ARHGEF3: variants seen among roughly 807,000 people sequenced by gnomAD.
The protein encoded by ARHGEF3 is Rho guanine nucleotide exchange factor 3.
Under a neutral mutation model 63.2 loss-of-function variants are expected in ARHGEF3, and 28 were observed. That is an observed-to-expected ratio of 0.44 (90% CI 0.33 to 0.61). The LOEUF (loss-of-function observed/expected upper bound fraction) is 0.61, where lower values mean the gene tolerates loss of function less well. Among genes scored for constraint, ARHGEF3 ranks in the 20% least tolerant of loss-of-function variants. The probability of loss-of-function intolerance (pLI) is 0.03; values close to 1 mark genes in which losing one functional copy is unlikely to be tolerated. For missense variants in ARHGEF3, 533 were observed against 659.3 expected, an observed-to-expected ratio of 0.81 and a Z score of 2.10; for synonymous variants, 266 against 254.2, an observed-to-expected ratio of 1.05 and a Z score of -0.44.
intron 1 of ARHGEF3, chr3:57,079,132 C>A: frequency 2.7e-6 from 1 of 368,226 alleles, no homozygotes; most frequent in South Asian, 1.3e-4. Context: ...CGGTCTCACT[C>A]CGGGAGACCT....
At chr3:57,031,634 A>C (rs943230515) in intron 2 of ARHGEF3, among the ~76,000 whole-genome samples, 5 of 152,216 alleles carry the variant, frequency 3.3e-5, no homozygotes, top group African/African-American at 1.2e-4. Flanking sequence ...TTGTGCATAC[A>C]ATAGTATTCA....
At chr3:56,945,874 C>T (rs1436136371) in intron 3 of ARHGEF3, among the ~76,000 whole-genome samples, 1 of 152,140 alleles carries the variant, frequency 6.6e-6, no homozygotes, top group Admixed American at 6.5e-5. Context: ...TGGGAGGCAC[C>T]CCCCAGTACG....
At chr3:56,811,400 G>A (rs1180915576) in intron 4 of ARHGEF3, among the ~76,000 whole-genome samples, 1 of 152,146 alleles carries the variant, frequency 6.6e-6, no homozygotes, top group Admixed American at 6.5e-5. Flanking sequence ...GTGGGGGCAT[G>A]GGCAGAAGAC....
At chr3:56,827,219 C>T (rs1373919223) in intron 4 of ARHGEF3, among the ~76,000 whole-genome samples, 1 of 152,172 alleles carries the variant, frequency 6.6e-6, no homozygotes, top group African/African-American at 2.4e-5. Context: ...AGTTACAACT[C>T]GTATCCATTT....
intron 2 of ARHGEF3, among the ~76,000 whole-genome samples, chr3:56,756,303 T>C (rs542980375): frequency 5.9e-5 from 9 of 152,310 alleles, no homozygotes; most frequent in African/African-American, 2.4e-5. Flanking sequence ...TTCCCTGCCA[T>C]GGCTCTCTGT....
intron 2 of ARHGEF3, among the ~76,000 whole-genome samples, chr3:56,998,226 ACT>A (rs1416125305): frequency 6.6e-6 from 1 of 151,986 alleles, no homozygotes; most frequent in Non-Finnish European, 1.5e-5. Context: ...AATGGTCCAA[ACT>A]CTCTCTGCAC....
chr3:56,885,328 T>C (rs150123657), intron 3 of ARHGEF3, among the ~76,000 whole-genome samples: 73 of 152,246 alleles, frequency 4.8e-4, no homozygotes, highest in Non-Finnish European at 8.4e-4. Context: ...GTTAGGGTGT[T>C]GTGAGGATCA....
chr3:56,942,339 A>G (rs1446375258), intron 3 of ARHGEF3, among the ~76,000 whole-genome samples: 1 of 152,222 alleles, frequency 6.6e-6, no homozygotes, highest in African/African-American at 2.4e-5. Flanking sequence ...TCAAAATTCA[A>G]TAGTTCAAAC....
At chr3:56,841,226 T>C (rs999449964) in intron 4 of ARHGEF3, among the ~76,000 whole-genome samples, 8 of 152,198 alleles carry the variant, frequency 5.3e-5, no homozygotes, top group Non-Finnish European at 7.3e-5. Flanking sequence ...GGCTGGGATC[T>C]TTCCCTAAAG....
intron 2 of ARHGEF3, among the ~76,000 whole-genome samples, chr3:56,771,547 G>A (rs1465056089): frequency 2.0e-5 from 3 of 152,218 alleles, no homozygotes; most frequent in African/African-American, 7.2e-5. Context: ...ATTGGGAGAG[G>A]TGGGGACATT....
intron 2 of ARHGEF3, among the ~76,000 whole-genome samples, chr3:56,766,529 C>T (rs781588085): frequency 2.0e-5 from 3 of 152,166 alleles, no homozygotes; most frequent in East Asian, 1.9e-4. Flanking sequence ...CTAGTCATAA[C>T]GGTGATAATA....
At chr3:56,952,649 T>C (rs188744944) in intron 3 of ARHGEF3, among the ~76,000 whole-genome samples, 1 of 152,306 alleles carries the variant, frequency 6.6e-6, no homozygotes. Context: ...ATGCGTAAAA[T>C]GCTCAACACA....
At chr3:56,762,861 AG>A (rs1402098018) in intron 2 of ARHGEF3, among the ~76,000 whole-genome samples, 1 of 152,184 alleles carries the variant, frequency 6.6e-6, no homozygotes, top group Non-Finnish European at 1.5e-5. Context: ...AGCATCCTGG[AG>A]GAGTCTCCTA....
intron 9 of ARHGEF3, among the ~76,000 whole-genome samples, chr3:56,730,630 C>T (rs887817823): frequency 6.6e-6 from 1 of 152,146 alleles, no homozygotes; most frequent in African/African-American, 2.4e-5. Context: ...ATCCACCCAC[C>T]TCAGCCTCCC....
At chr3:56,858,547 G>C (rs1006484579) in intron 4 of ARHGEF3, among the ~76,000 whole-genome samples, 7 of 152,156 alleles carry the variant, frequency 4.6e-5, no homozygotes, top group Admixed American at 3.3e-4. Flanking sequence ...CTTCTGGTGA[G>C]GGGAGGAAGA....
At chr3:57,007,483 C>T (rs1366770466) in intron 2 of ARHGEF3, 1 of 696,314 alleles carries the variant, frequency 1.4e-6, no homozygotes, top group African/African-American at 1.9e-5. Context: ...TCTTGGTTTT[C>T]TGCAGAACCT....
chr3:56,973,307 G>A (rs574635085), intron 2 of ARHGEF3, among the ~76,000 whole-genome samples: 3 of 152,252 alleles, frequency 2.0e-5, no homozygotes, highest in South Asian at 4.1e-4. Context: ...GTGAGCCACC[G>A]CGCCTGGCAT....
chr3:56,808,648 T>C (rs1040287949), intron 4 of ARHGEF3, among the ~76,000 whole-genome samples: 1 of 151,920 alleles, frequency 6.6e-6, no homozygotes, highest in African/African-American at 2.4e-5. Flanking sequence ...AGCAAATTTT[T>C]TTGTTTTTTC....
intron 2 of ARHGEF3, among the ~76,000 whole-genome samples, chr3:56,981,442 G>A (rs4264698): frequency 0.22 from 33,950 of 152,122 alleles, 4,639 homozygotes; most frequent in East Asian, 0.41. Context: ...GGTGCCACCA[G>A]CAAGGAGCAG....
Sources: allele counts gnomAD v4.1 joint callset (sites outside exome capture counted in the v4.1 genomes callset), GRCh38; gene constraint gnomAD v4.1.1; transcripts MANE v1.5; gene names NCBI Gene and HGNC (gene_info 2026-07-23, HGNC 2026-07-21).